The following DMD variants were observed in gnomAD, a reference collection of about 807,000 sequenced individuals.
The protein encoded by DMD is mutant dystrophin.
A neutral mutation model predicts 330.1 loss-of-function variants in DMD; 63 were observed. The observed-to-expected ratio is 0.19, with a 90% CI of 0.16 to 0.24. The LOEUF (loss-of-function observed/expected upper bound fraction) is 0.24, where lower values mean the gene tolerates loss of function less well. Ranked by LOEUF, DMD falls within the 10% of genes least tolerant of loss-of-function variation. The pLI, the probability that DMD is intolerant of heterozygous loss-of-function variation, is 1.00. For missense variants in DMD, 3,344 were observed against 2,684.1 expected (o/e 1.25, Z -5.43); for synonymous variants, 1,223 against 959.8 (o/e 1.27, Z -5.07).
intron 5 of DMD, among the ~76,000 whole-genome samples, chrX:32,818,294 TTTATAGCATCA>T (rs953561148): frequency 1.8e-5 from 2 of 112,000 alleles, no homozygotes; most frequent in African/African-American, 6.5e-5. Context: ...CCAAAACTCC[TTTATAGCATCA>T]TTATGTCACT....
intron 1 of DMD, among the ~76,000 whole-genome samples, chrX:33,068,668 AAG>A (rs1461707062): frequency 5.3e-5 from 6 of 112,602 alleles, no homozygotes; most frequent in Non-Finnish European, 1.1e-4. Flanking sequence ...CAGTGAGAGA[AAG>A]AGAGGCAGTT....
intron 44 of DMD, among the ~76,000 whole-genome samples, chrX:31,987,721 C>A (rs1246297076): frequency 8.9e-6 from 1 of 111,788 alleles, no homozygotes; most frequent in East Asian, 2.8e-4. Flanking sequence ...GAAAAGGGAA[C>A]CCTTATGCAC....
chrX:32,092,981 A>T (rs1020987724), intron 44 of DMD, among the ~76,000 whole-genome samples: 1 of 110,851 alleles, frequency 9.0e-6, no homozygotes, highest in African/African-American at 3.3e-5. Flanking sequence ...GTTCCTTTCT[A>T]AAAGAATGTT....
At chrX:32,239,295 G>C (rs898040329) in intron 43 of DMD, among the ~76,000 whole-genome samples, 1 of 111,775 alleles carries the variant, frequency 8.9e-6, no homozygotes, top group Non-Finnish European at 1.9e-5. Context: ...TGCTTTATGA[G>C]ATATTTCTTC....
intron 44 of DMD, among the ~76,000 whole-genome samples, chrX:32,020,403 T>C (rs997368383): frequency 5.3e-5 from 6 of 112,523 alleles, no homozygotes; most frequent in Admixed American, 1.9e-4. Context: ...GAAACTGTTA[T>C]GGACTGAAGT....
chrX:33,118,555 A>G (rs892148967), intron 1 of DMD, among the ~76,000 whole-genome samples: 2 of 112,111 alleles, frequency 1.8e-5, no homozygotes, highest in African/African-American at 6.5e-5. Context: ...GTCCTAGGAA[A>G]AGAAACGTTC....
chrX:31,717,042 T>C (rs894161475), intron 52 of DMD, among the ~76,000 whole-genome samples: 12 of 111,261 alleles, frequency 1.1e-4, no homozygotes, highest in African/African-American at 2.9e-4. Flanking sequence ...TCTTTGATAG[T>C]TGGTTCTCTC....
At chrX:33,223,260 G>A (rs1288818889) in intron 1 of DMD, among the ~76,000 whole-genome samples, 1 of 111,952 alleles carries the variant, frequency 8.9e-6, no homozygotes, top group Non-Finnish European at 1.9e-5. Context: ...GCAGTGAGCC[G>A]AGATCATGCC....
At chrX:31,220,893 G>T (rs939337362) in intron 64 of DMD, among the ~76,000 whole-genome samples, 14 of 50,413 alleles carry the variant, frequency 2.8e-4, no homozygotes, top group East Asian at 1.3e-3. Context: ...TTTTTTTTTT[G>T]CGATTTTTTT....
intron 7 of DMD, among the ~76,000 whole-genome samples, chrX:32,716,988 G>A (rs894190056): frequency 9.0e-6 from 1 of 111,164 alleles, no homozygotes; most frequent in Non-Finnish European, 1.9e-5. Context: ...ATATGTATGA[G>A]CAAAGAGATT....
chrX:31,993,677 T>C (rs949694336), intron 44 of DMD, among the ~76,000 whole-genome samples: 1 of 112,015 alleles, frequency 8.9e-6, no homozygotes, highest in African/African-American at 3.2e-5. Context: ...TTTCTGGTTT[T>C]TCATGTGAAT....
chrX:31,715,229 A>G (rs1231574547), intron 52 of DMD, among the ~76,000 whole-genome samples: 2 of 101,257 alleles, frequency 2.0e-5, no homozygotes, highest in Admixed American at 1.1e-4. Flanking sequence ...GTGGGGGGGG[A>G]GCTGCGAAAC....
chrX:31,596,475 A>AT (rs1410531021), intron 55 of DMD, among the ~76,000 whole-genome samples: 2 of 111,809 alleles, frequency 1.8e-5, no homozygotes. Flanking sequence ...CAGCTGCTGA[A>AT]ACACTAACGA....
chrX:31,178,076 C>A (rs1472503933), intron 70 of DMD, 106 bp from the exon 71 acceptor site: 10 of 1,081,979 alleles, frequency 9.2e-6, no homozygotes, highest in Admixed American at 7.8e-5. Context: ...TAAGTATGAA[C>A]CATGGAAAGC....
At chrX:32,141,969 G>A (rs897811596) in intron 44 of DMD, among the ~76,000 whole-genome samples, 2 of 111,369 alleles carry the variant, frequency 1.8e-5, no homozygotes, top group Non-Finnish European at 3.8e-5. Context: ...TATCCCTTGC[G>A]CTGCTACACA....
chrX:32,816,780 C>T (rs1044284530), intron 5 of DMD, 140 bp from the exon 6 acceptor site: 3 of 569,217 alleles, frequency 5.3e-6, no homozygotes, highest in African/African-American at 4.6e-5. Context: ...TAGATTCTAC[C>T]AGAAGTTAAG....
chrX:32,612,089 C>T (rs1041714434), intron 12 of DMD, among the ~76,000 whole-genome samples: 3 of 110,961 alleles, frequency 2.7e-5, no homozygotes, highest in Non-Finnish European at 5.7e-5. Context: ...AGGGTGAACT[C>T]GTAAGGCATT....
At chrX:33,113,740 T>G (rs1477637396) in intron 1 of DMD, among the ~76,000 whole-genome samples, 1 of 111,864 alleles carries the variant, frequency 8.9e-6, no homozygotes, top group African/African-American at 3.3e-5. Context: ...TTCCAAATGT[T>G]ACAGGAGTGA....
chrX:32,584,539 G>C (rs1019518667), intron 13 of DMD, among the ~76,000 whole-genome samples: 1 of 111,818 alleles, frequency 8.9e-6, no homozygotes, highest in African/African-American at 3.2e-5. Context: ...TTTCTGAACA[G>C]AATATGTAAA....
Sources: allele counts gnomAD v4.1 joint callset (sites outside exome capture counted in the v4.1 genomes callset), GRCh38; gene constraint gnomAD v4.1.1; transcripts MANE v1.5; gene names NCBI Gene and HGNC (gene_info 2026-07-23, HGNC 2026-07-21).